MIGA1: variants seen among roughly 807,000 people sequenced by gnomAD.
MIGA1 encodes family with sequence similarity 73, member A.
MIGA1 carries 58 observed loss-of-function variants against 82.0 expected under a neutral mutation model. The ratio of observed to expected loss-of-function variants is 0.71; its 90% CI spans 0.57 to 0.88. The LOEUF (loss-of-function observed/expected upper bound fraction) is 0.88, where lower values mean the gene tolerates loss of function less well. Among genes scored for constraint, MIGA1 ranks in the 40% least tolerant of loss-of-function variants. MIGA1 has a pLI of 0.00. For missense variants in MIGA1, 751 were observed against 749.1 expected, an observed-to-expected ratio of 1.00 and a Z score of -0.03; for synonymous variants, 249 against 253.6, an observed-to-expected ratio of 0.98 and a Z score of 0.17.
chr1:77,817,312 A>G (rs990331776), intron 7 of MIGA1, among the ~76,000 whole-genome samples: 2 of 151,946 alleles, frequency 1.3e-5, no homozygotes, highest in South Asian at 2.1e-4. Flanking sequence ...GCTTAGTTTT[A>G]GGGGCTTAGT....
At chr1:77,840,302 G>A (rs1441927706) in intron 7 of MIGA1, among the ~76,000 whole-genome samples, 1 of 151,880 alleles carries the variant, frequency 6.6e-6, no homozygotes, top group East Asian at 1.9e-4. Context: ...ATTTTTCTTT[G>A]TTAGATTTTT....
intron 7 of MIGA1, among the ~76,000 whole-genome samples, chr1:77,837,300 G>A (rs1008495613): frequency 2.0e-5 from 3 of 152,126 alleles, no homozygotes; most frequent in East Asian, 3.8e-4. Flanking sequence ...AATCTATTAT[G>A]TATTTTATAC....
intron 7 of MIGA1, among the ~76,000 whole-genome samples, chr1:77,816,042 C>G (rs1204861000): frequency 6.6e-6 from 1 of 152,190 alleles, no homozygotes; most frequent in African/African-American, 2.4e-5. Flanking sequence ...CTCCCAAGTT[C>G]ATGCAATTCT....
At chr1:77,785,908 G>T (rs572554551) in intron 2 of MIGA1, among the ~76,000 whole-genome samples, 17 of 152,280 alleles carry the variant, frequency 1.1e-4, no homozygotes, top group African/African-American at 4.1e-4. Context: ...TGCACTAGGC[G>T]GTGCCCCAGT....
chr1:77,795,208 C>T (rs1345577428), intron 2 of MIGA1, among the ~76,000 whole-genome samples: 1 of 152,194 alleles, frequency 6.6e-6, no homozygotes, highest in Non-Finnish European at 1.5e-5. Context: ...AGGTGATCCA[C>T]CTGCCTCGGC....
chr1:77,802,057 A>G (rs1000371404), intron 3 of MIGA1, among the ~76,000 whole-genome samples: 11 of 152,194 alleles, frequency 7.2e-5, no homozygotes, highest in African/African-American at 2.7e-4. Context: ...GAGTTCAAGA[A>G]GTAAGTTGCT....
chr1:77,869,859 G>C (rs1196079124), intron 14 of MIGA1, among the ~76,000 whole-genome samples: 4 of 115,438 alleles, frequency 3.5e-5, no homozygotes, highest in Admixed American at 3.1e-4. Flanking sequence ...CTGGCCAGGC[G>C]GGGGGCTGAT....
Position 77,813,814 on chromosome 1 carries a change from TGTG to T in MIGA1, c.721_723del (p.Gly241del). The T allele has an allele frequency of 6.2e-7, 1 of 1,614,234 alleles. No homozygotes were observed. Among genetic ancestry groups the T allele is most frequent in the Non-Finnish European group, 8.5e-7 (1 of 1,180,030 alleles). ...CAATAGACAGGCTGAAGATGAAGCCTGTGGTTCCATTAAACTGGGTGCAGGAGA... is the reference window on the plus strand; with the variant it reads ...CAATAGACAGGCTGAAGATGAAGCCTGTTCCATTAAACTGGGTGCAGGAGA... On this transcript the variant is annotated inframe_deletion, in exon 6 of 16. Transcript: ENST00000370791.
At chr1:77,835,587 A>G (rs750008788) in intron 7 of MIGA1, among the ~76,000 whole-genome samples, 5 of 152,194 alleles carry the variant, frequency 3.3e-5, no homozygotes, top group Admixed American at 6.5e-5. Context: ...TAAGGAGTGT[A>G]AGCTGCATAT....
intron 2 of MIGA1, among the ~76,000 whole-genome samples, chr1:77,790,943 T>C (rs1682390869): frequency 6.6e-6 from 1 of 152,144 alleles, no homozygotes; most frequent in South Asian, 2.1e-4. Flanking sequence ...TCTATAGTTT[T>C]GTCATTTCAA....
chr1:77,782,383 TCC>T (rs1681960154), intron 1 of MIGA1, among the ~76,000 whole-genome samples: 1 of 152,190 alleles, frequency 6.6e-6, no homozygotes, highest in African/African-American at 2.4e-5. Flanking sequence ...TAGTTCAGCT[TCC>T]TATGGTCTTT....
intron 2 of MIGA1, among the ~76,000 whole-genome samples, chr1:77,793,783 C>CT (rs1175821307): frequency 0.044 from 5,036 of 114,132 alleles, 427 homozygotes; most frequent in African/African-American, 0.14. Context: ...AAAATTTTAT[C>CT]TTTTTTTTTT....
intron 2 of MIGA1, among the ~76,000 whole-genome samples, chr1:77,790,239 C>T (rs895408644): frequency 6.6e-6 from 1 of 152,206 alleles, no homozygotes; most frequent in Non-Finnish European, 1.5e-5. Flanking sequence ...TCTTCTATCA[C>T]CTTAAAGATT....
At chr1:77,870,232 C>A (rs1428141546) in intron 14 of MIGA1, among the ~76,000 whole-genome samples, 3 of 121,164 alleles carry the variant, frequency 2.5e-5, no homozygotes, top group Non-Finnish European at 5.6e-5. Flanking sequence ...CCCCCCCCCC[C>A]ACCTCCCTCC....
In MIGA1 at chr1:77,866,348, C is replaced by T; in HGVS notation, c.1520C>T (p.Ser507Leu). 1.2e-6 allele frequency: 2 copies of T among 1,614,044 alleles called. No homozygotes were observed. Among genetic ancestry groups the T allele is most frequent in the South Asian group, 2.2e-5 (2 of 91,066 alleles). ...TCTGCATGTATTTAGGCTGTGGCTT[C>T]AAGTTGTTGGTCGGTGCTGAAACAG... Residue 507 changes from serine (S) to leucine (L), a missense_variant, in exon 14 of 16, where the codon TCA becomes TTA. By Grantham distance (145) the Ser-to-Leu change is moderately radical. This residue lies in a region of MIGA1 where 265 missense variants were observed against 293.6 expected (regional missense o/e 0.90). Coordinates refer to ENST00000370791, the MANE Select transcript of MIGA1 (RefSeq NM_198549.4).
chr1:77,801,500 C>T lies in MIGA1; in HGVS notation c.365C>T (p.Ser122Leu). The T allele has an allele frequency of 6.3e-7, 1 of 1,595,902 alleles. No individual in the cohort carries two copies. Among genetic ancestry groups the T allele is most frequent in the African/African-American group, 1.4e-5 (1 of 73,924 alleles). The change falls in exon 3 of 16, where the codon TCA (serine) becomes TTA (leucine). Residue 122 changes from serine (S) to leucine (L), a missense_variant. Around this residue, in one of 3 missense-constraint regions of MIGA1, gnomAD observed 482 missense variants for 439.4 expected, o/e 1.10. Coordinates refer to ENST00000370791, the MANE Select transcript of MIGA1 (RefSeq NM_198549.4). ...CTTGAATACACTAAAAGAGCAGCAT[C>T]AGACAAAGGTATGTGGAAATAGTTG...
chr1:77,804,325 A>G (rs943701262), intron 4 of MIGA1, among the ~76,000 whole-genome samples: 2 of 152,198 alleles, frequency 1.3e-5, no homozygotes, highest in African/African-American at 4.8e-5. Context: ...CAAGTGAGGA[A>G]TGAAGTTAGT....
chr1:77,855,523 G>T (rs142465502), intron 8 of MIGA1, among the ~76,000 whole-genome samples: 16 of 152,102 alleles, frequency 1.1e-4, no homozygotes, highest in African/African-American at 3.9e-4. Context: ...CCATCCATGA[G>T]CATGGGATCT....
intron 5 of MIGA1, chr1:77,810,870 G>T: frequency 6.2e-6 from 10 of 1,611,142 alleles, no homozygotes; most frequent in Non-Finnish European, 8.5e-6. Flanking sequence ...ATCATTCCTT[G>T]TGCAAAGTTT....
Sources: allele counts gnomAD v4.1 joint callset (sites outside exome capture counted in the v4.1 genomes callset), GRCh38; gene constraint gnomAD v4.1.1; regional missense constraint gnomAD v4.1.1; transcripts MANE v1.5; gene names NCBI Gene and HGNC (gene_info 2026-07-23, HGNC 2026-07-21).